S100Z: variants seen among roughly 807,000 people sequenced by gnomAD.
S100Z encodes protein S100-Z.
Under a neutral mutation model 8.5 loss-of-function variants are expected in S100Z, and 11 were observed. The ratio of observed to expected loss-of-function variants is 1.30; its 90% confidence interval spans 0.82 to 2.15. S100Z has a LOEUF of 2.15. Ranked by LOEUF, S100Z falls within the 30% of genes most tolerant of loss-of-function variation. S100Z has a pLI of 0.00. For synonymous variants in S100Z, 34 were observed against 43.8 expected, an observed-to-expected ratio of 0.78 and a Z score of 0.89; for missense variants, 126 against 117.9, an observed-to-expected ratio of 1.07 and a Z score of -0.32.
intron 4 of S100Z, among the ~76,000 whole-genome samples, chr5:76,889,198 G>A (rs976016409): frequency 1.3e-5 from 2 of 152,226 alleles, no homozygotes; most frequent in Middle Eastern, 3.4e-3. Flanking sequence ...CTGTACAGGC[G>A]AGCTTCCTTC....
At chr5:76,894,879 G>A (rs529299807) in intron 4 of S100Z, among the ~76,000 whole-genome samples, 35 of 152,108 alleles carry the variant, frequency 2.3e-4, no homozygotes, top group African/African-American at 6.7e-4. Flanking sequence ...GTGAGCCACC[G>A]CGCCCACCCT....
chr5:76,908,774 G>C (rs1744544038), intron 4 of S100Z, among the ~76,000 whole-genome samples: 2 of 152,154 alleles, frequency 1.3e-5, no homozygotes, highest in South Asian at 4.2e-4. Flanking sequence ...TCAGGGTATG[G>C]CCCTTCACTT....
chr5:76,947,201 GC>G, the S100Z span, among the ~76,000 whole-genome samples: 1 of 151,232 alleles, frequency 6.6e-6, no homozygotes, highest in Admixed American at 6.6e-5. Flanking sequence ...CCACGTCCTG[GC>G]CCCCCCATGT....
At chr5:76,889,629 C>T (rs1327376681) in intron 4 of S100Z, among the ~76,000 whole-genome samples, 1 of 152,106 alleles carries the variant, frequency 6.6e-6, no homozygotes, top group African/African-American at 2.4e-5. Flanking sequence ...TTCTAAAAAT[C>T]GATTAAAAGT....
the S100Z span, among the ~76,000 whole-genome samples, chr5:76,926,944 G>T: frequency 1.3e-5 from 2 of 152,142 alleles, no homozygotes; most frequent in African/African-American, 2.4e-5. Context: ...TTTTCATCTG[G>T]ATGTTTTGTT....
intron 2 of S100Z, among the ~76,000 whole-genome samples, chr5:76,870,564 A>G (rs1292553406): frequency 6.6e-6 from 1 of 152,130 alleles, no homozygotes; most frequent in Admixed American, 6.5e-5. Context: ...AGTCCTCAGT[A>G]AGATTCCTGA....
intron 1 of S100Z, among the ~76,000 whole-genome samples, 163 bp downstream of exon 1, chr5:76,850,318 G>A (rs1322852085): frequency 7.3e-6 from 1 of 137,282 alleles, no homozygotes; most frequent in African/African-American, 2.8e-5. Flanking sequence ...TGGCCACAAA[G>A]GGGTCGGGGG....
At chr5:76,880,954 G>A (rs1021399988) in intron 4 of S100Z, among the ~76,000 whole-genome samples, 3 of 152,200 alleles carry the variant, frequency 2.0e-5, no homozygotes, top group African/African-American at 4.8e-5. Context: ...GTTAAAGAAG[G>A]ATTAGAAATG....
chr5:76,886,194 C>T (rs1040666363), intron 4 of S100Z, among the ~76,000 whole-genome samples: 3 of 152,128 alleles, frequency 2.0e-5, no homozygotes, highest in South Asian at 2.1e-4. Flanking sequence ...ACCTCTGAAA[C>T]GTGGGTGAAT....
the S100Z span, among the ~76,000 whole-genome samples, chr5:76,936,627 A>ACACACACG: frequency 1.5e-5 from 2 of 132,904 alleles, no homozygotes; most frequent in African/African-American, 5.9e-5. Flanking sequence ...ACACACACAC[A>ACACACACG]CACACACACA....
chr5:76,897,177 G>A (rs1744065493), intron 4 of S100Z, among the ~76,000 whole-genome samples: 1 of 152,148 alleles, frequency 6.6e-6, no homozygotes, highest in Non-Finnish European at 1.5e-5. Flanking sequence ...GATTGGCCGG[G>A]TGCGGTGGCT....
At chr5:76,927,254 C>T in the S100Z span, among the ~76,000 whole-genome samples, 2 of 152,136 alleles carry the variant, frequency 1.3e-5, no homozygotes, top group African/African-American at 2.4e-5. Flanking sequence ...CTCACACTGA[C>T]CTATGCTTTG....
At chr5:76,926,362 T>C (rs2150692966), downstream of S100Z, among the ~76,000 whole-genome samples, 1 of 152,160 alleles carries the variant, frequency 6.6e-6, no homozygotes, top group Middle Eastern at 3.4e-3. Context: ...GTTTCACCAA[T>C]AAGGAAATAC....
At chr5:76,919,045 T>C (rs1744948793) in intron 4 of S100Z, among the ~76,000 whole-genome samples, 1 of 152,252 alleles carries the variant, frequency 6.6e-6, no homozygotes, top group Non-Finnish European at 1.5e-5. Context: ...AGCTGATGAA[T>C]ATTCCATTGT....
intron 1 of S100Z, among the ~76,000 whole-genome samples, 160 bp downstream of exon 1, chr5:76,850,315 A>G (rs1750685072): frequency 1.0e-5 from 1 of 96,326 alleles, no homozygotes; most frequent in Non-Finnish European, 1.9e-5. Flanking sequence ...CCTTGGCCAC[A>G]AAGGGGTCGG....
chr5:76,891,483 G>A (rs7722773), intron 4 of S100Z, among the ~76,000 whole-genome samples: 77,072 of 151,972 alleles, frequency 0.51, 22,604 homozygotes, highest in Non-Finnish European at 0.65. Flanking sequence ...TGTCTAGGAC[G>A]GCAGCTGCTT....
At chr5:76,923,032 C>A (rs1745076216), downstream of S100Z, among the ~76,000 whole-genome samples, 1 of 145,278 alleles carries the variant, frequency 6.9e-6, no homozygotes. Context: ...AAAAAATGGG[C>A]TTCTAAAAAA....
chr5:76,937,559 C>T, the S100Z span, among the ~76,000 whole-genome samples: 9 of 151,832 alleles, frequency 5.9e-5, no homozygotes, highest in African/African-American at 2.2e-4. Context: ...AGTTTAAGAT[C>T]AGCCTGGACA....
intron 4 of S100Z, among the ~76,000 whole-genome samples, chr5:76,886,783 C>T (rs374742127): frequency 6.6e-4 from 100 of 152,276 alleles, no homozygotes; most frequent in African/African-American, 2.2e-3. Context: ...GGGTGGATCT[C>T]ACGAAGTACA....
Sources: allele counts gnomAD v4.1 joint callset (sites outside exome capture counted in the v4.1 genomes callset), GRCh38; gene constraint gnomAD v4.1.1; transcripts MANE v1.5; gene names NCBI Gene and HGNC (gene_info 2026-07-23, HGNC 2026-07-21).